Variants in PBX1 observed in about 807,000 individuals in gnomAD.
The protein encoded by PBX1 is pre-B-cell leukemia transcription factor 1.
Under a neutral mutation model 53.4 loss-of-function variants are expected in PBX1, and 6 were observed. That is an observed-to-expected ratio of 0.11 (90% CI 0.06 to 0.22). PBX1 has a LOEUF of 0.22. Among genes scored for constraint, PBX1 ranks in the 10% least tolerant of loss-of-function variants. The pLI is 1.00. For missense variants in PBX1, 251 were observed against 551.4 expected (o/e 0.46, Z 5.46); for synonymous variants, 204 against 212.3 (o/e 0.96, Z 0.34).
intron 2 of PBX1, among the ~76,000 whole-genome samples, chr1:164,858,529 G>C (rs1349732971): frequency 6.6e-6 from 1 of 151,940 alleles, no homozygotes; most frequent in Non-Finnish European, 1.5e-5. Context: ...TCTCATAAGA[G>C]CCATCTTGCA....
At chr1:164,562,286 A>G (rs1191121538) in intron 1 of PBX1, among the ~76,000 whole-genome samples, 1 of 152,270 alleles carries the variant, frequency 6.6e-6, no homozygotes, top group East Asian at 1.9e-4. Context: ...GAGTGCCAGA[A>G]CTTTCCATTT....
intron 2 of PBX1, among the ~76,000 whole-genome samples, chr1:164,649,395 A>G (rs1332702226): frequency 6.6e-6 from 1 of 152,110 alleles, no homozygotes; most frequent in Non-Finnish European, 1.5e-5. Flanking sequence ...CTATTTTCGA[A>G]TGTAGAGAAT....
At chr1:164,606,042 T>C (rs1656524283) in intron 2 of PBX1, among the ~76,000 whole-genome samples, 1 of 152,252 alleles carries the variant, frequency 6.6e-6, no homozygotes, top group Non-Finnish European at 1.5e-5. Flanking sequence ...CATAAGCATA[T>C]TGATGATAGT....
intron 2 of PBX1, among the ~76,000 whole-genome samples, chr1:164,651,495 G>C (rs1344871997): frequency 6.6e-6 from 1 of 152,086 alleles, no homozygotes; most frequent in African/African-American, 2.4e-5. Context: ...GAATTCCGCT[G>C]TGGCTGCTCT....
intron 2 of PBX1, among the ~76,000 whole-genome samples, chr1:164,751,788 G>A (rs1393787262): frequency 1.3e-5 from 2 of 151,778 alleles, no homozygotes; most frequent in Non-Finnish European, 2.9e-5. Context: ...CACCATGTTG[G>A]CCAGGCTGAT....
intron 2 of PBX1, among the ~76,000 whole-genome samples, chr1:164,658,277 C>T (rs1660281547): frequency 6.6e-6 from 1 of 152,154 alleles, no homozygotes; most frequent in African/African-American, 2.4e-5. Flanking sequence ...TGACCCTATA[C>T]CCCAACACCA....
At chr1:164,836,190 C>T (rs930924341) in intron 8 of PBX1, among the ~76,000 whole-genome samples, 1 of 152,122 alleles carries the variant, frequency 6.6e-6, no homozygotes, top group Admixed American at 6.6e-5. Flanking sequence ...CGATCAGTCT[C>T]CTTGTTTCTT....
At chr1:164,782,383 A>G (rs1667977578) in intron 2 of PBX1, among the ~76,000 whole-genome samples, 1 of 152,156 alleles carries the variant, frequency 6.6e-6, no homozygotes, top group Admixed American at 6.5e-5. Context: ...TTGCATTTCA[A>G]TCTTATTGGG....
intron 2 of PBX1, among the ~76,000 whole-genome samples, chr1:164,733,446 G>T (rs1296725023): frequency 6.6e-6 from 1 of 152,032 alleles, no homozygotes; most frequent in East Asian, 1.9e-4. Context: ...TTGCACAGGA[G>T]GATTTATCTG....
intron 2 of PBX1, among the ~76,000 whole-genome samples, chr1:164,676,412 A>G (rs1414396811): frequency 1.3e-5 from 2 of 152,142 alleles, no homozygotes; most frequent in Non-Finnish European, 2.9e-5. Context: ...CAAATCCAGG[A>G]GGGCCAAAGC....
intron 2 of PBX1, among the ~76,000 whole-genome samples, chr1:164,571,315 A>G (rs1024505468): frequency 3.9e-5 from 6 of 152,296 alleles, no homozygotes; most frequent in Non-Finnish European, 8.8e-5. Context: ...CCCCCTAAAA[A>G]AACCCAGTAC....
Position 164,780,301 on chromosome 1 carries a change from G to A in PBX1, c.266-12193G>A, listed in dbSNP as rs1667868287. ...ATCTGCTCCAGTGCTGCTTCCTCTCGCTGCCTGCCAGGATGTTTGCCGCAG... is the reference window on the plus strand; with the variant it reads ...ATCTGCTCCAGTGCTGCTTCCTCTCACTGCCTGCCAGGATGTTTGCCGCAG... On this transcript the variant is annotated intron_variant, in intron 2 of 8. Coordinates refer to ENST00000420696, the MANE Select transcript of PBX1 (RefSeq NM_002585.4). Among the ~76,000 whole-genome samples the A allele has an allele frequency of 2.6e-5, 4 of 152,256 alleles. No individual in the cohort carries two copies. In the South Asian group the frequency reaches 8.3e-4, roughly 32 times the overall value.
chr1:164,683,561 T>C (rs1055592654), intron 2 of PBX1: 8 of 152,182 alleles, frequency 5.3e-5, no homozygotes, highest in Admixed American at 3.9e-4. Flanking sequence ...GAATGGAATC[T>C]AAGTCTTTCT....
chr1:164,808,287 T>C (rs1243647093), intron 5 of PBX1, among the ~76,000 whole-genome samples: 1 of 152,118 alleles, frequency 6.6e-6, no homozygotes, highest in African/African-American at 2.4e-5. Flanking sequence ...GAAAGATACA[T>C]GACATAAAAT....
At position 164,821,549 on chromosome 1, in the gene PBX1, C is replaced by T. The variant is rs868781414; in HGVS notation, c.1123C>T (p.Arg375Cys). ...TTCATCTGTTTAGGTGGATACCCTTCGCCATGTTATCAGCCAGACAGGAGG... is the reference window on the plus strand; with the variant it reads ...TTCATCTGTTTAGGTGGATACCCTTTGCCATGTTATCAGCCAGACAGGAGG... The part of the protein sequence containing the change: ...ANVQSQVDTL[R>C]HVISQTGGYS... Residue 375 changes from arginine to cysteine, a missense_variant, in exon 8 of 9, where the codon CGC becomes TGC. This residue lies in a region of PBX1 where 92 missense variants were observed against 130.4 expected (regional missense o/e 0.71). Transcript: ENST00000420696. 4 of 1,613,658 alleles carry T rather than the reference C, an allele frequency of 2.5e-6. No homozygotes were observed. Among genetic ancestry groups the T allele is most frequent in the Non-Finnish European group, 3.4e-6 (4 of 1,179,584 alleles).
At chr1:164,748,538 G>A (rs1445190095) in intron 2 of PBX1, among the ~76,000 whole-genome samples, 2 of 152,116 alleles carry the variant, frequency 1.3e-5, no homozygotes, top group African/African-American at 4.8e-5. Flanking sequence ...GTCATTAAAA[G>A]GGTCAATCAG....
At chr1:164,836,329 G>A (rs1455545807) in intron 8 of PBX1, among the ~76,000 whole-genome samples, 2 of 152,086 alleles carry the variant, frequency 1.3e-5, no homozygotes, top group African/African-American at 4.8e-5. Flanking sequence ...TGAACCCACA[G>A]TACAGCTGGA....
At position 164,846,819 on chromosome 1, in the gene PBX1, T is replaced by C; in HGVS notation, c.*143T>C. On this transcript the variant is annotated 3_prime_UTR_variant, in exon 9 of 9. Transcript: ENST00000420696. ...CAATAAGAGTCTCCTTCTCTTCTCTTCTTTGGGATGCTATTTCAGCCAATC... is the reference window on the plus strand; with the variant it reads ...CAATAAGAGTCTCCTTCTCTTCTCTCCTTTGGGATGCTATTTCAGCCAATC... 1 of 1,496,762 alleles carries C rather than the reference T, an allele frequency of 6.7e-7. No individual in the cohort carries two copies. The highest frequency in any genetic ancestry group is 8.9e-7 in the Non-Finnish European group (1 of 1,124,736). 92.7% of individuals were successfully genotyped at this position (1,496,762 alleles called of 1,614,324 possible). A position where few individuals can be genotyped will look rare whatever the true frequency, so the allele number is the denominator to read the frequency against.
At chr1:164,599,084 T>G (rs1655975013) in intron 2 of PBX1, among the ~76,000 whole-genome samples, 1 of 150,656 alleles carries the variant, frequency 6.6e-6, no homozygotes, top group Non-Finnish European at 1.5e-5. Flanking sequence ...TTTTTTTTTT[T>G]TTTTGCAAAG....
Sources: allele counts gnomAD v4.1 joint callset (sites outside exome capture counted in the v4.1 genomes callset), GRCh38; gene constraint gnomAD v4.1.1; regional missense constraint gnomAD v4.1.1; transcripts MANE v1.5; gene names NCBI Gene and HGNC (gene_info 2026-07-23, HGNC 2026-07-21).